The following NEURL1 variants were observed in gnomAD, a reference collection of about 807,000 sequenced individuals.
NEURL1 encodes neuralized E3 ubiquitin protein ligase 1.
NEURL1 carries 26 observed loss-of-function variants against 41.2 expected under a neutral mutation model. That is an observed-to-expected ratio of 0.63 (90% confidence interval 0.46 to 0.87). The LOEUF is 0.87. Ranked by LOEUF, NEURL1 falls within the 40% of genes least tolerant of loss-of-function variation. The pLI is 0.00. For missense variants in NEURL1, 761 were observed against 871.1 expected (o/e 0.87, Z 1.59); for synonymous variants, 400 against 402.3 (o/e 0.99, Z 0.07).
rs73341545 is a variant in NEURL1 at position 103,558,572 on chromosome 10, G to A, written c.86-12300G>A. Among the ~76,000 whole-genome samples, 4,308 of 151,204 alleles carry A rather than the reference G, an allele frequency of 0.028. 203 individuals carry two copies. The highest frequency in any genetic ancestry group is 0.098 in the African/African-American group (4,017 of 41,032). ...GTAGTGGGGCTGGTGGTGAGGAGTC[G>A]GGCTCCTCTGGGACCAGCCTGGCAG... On this transcript the variant is annotated intron_variant, in intron 1 of 5. Coordinates refer to ENST00000369780, the MANE Select transcript of NEURL1 (RefSeq NM_004210.5). The surrounding 1 kb of genome is among the most constrained non-coding windows in gnomAD (Gnocchi z 4.2).
intron 1 of NEURL1, among the ~76,000 whole-genome samples, chr10:103,535,684 C>T (rs377173838): frequency 2.6e-5 from 4 of 152,060 alleles, no homozygotes; most frequent in Admixed American, 1.3e-4. Flanking sequence ...GGCAGGGTAC[C>T]TAGGAAATCA....
In NEURL1 at chr10:103,591,640, G is replaced by A. The variant is rs997425045; in HGVS notation, c.*1268G>A. On this transcript the variant is annotated 3_prime_UTR_variant, in exon 6 of 6. Transcript: ENST00000369780. Reference sequence around the variant, plus strand: ...AAATTGGGAGGCCTTTTGGCAAACAGTGTCTATTTTACAGAGAGGCAAACC... The same window carrying A: ...AAATTGGGAGGCCTTTTGGCAAACAATGTCTATTTTACAGAGAGGCAAACC... 1.3e-5 allele frequency: 2 copies of A among 152,212 alleles called. No individual in the cohort carries two copies. The highest frequency in any genetic ancestry group is 6.5e-5 in the Admixed American group (1 of 15,282). 9.4% of individuals were successfully genotyped at this position (152,212 alleles called of 1,614,324 possible). A position where few individuals can be genotyped will look rare whatever the true frequency, so the allele number is the denominator to read the frequency against.
chr10:103,537,686 G>A (rs1377793670), intron 1 of NEURL1, among the ~76,000 whole-genome samples: 2 of 152,178 alleles, frequency 1.3e-5, no homozygotes, highest in African/African-American at 4.8e-5. Context: ...GAGCCACCGC[G>A]GCTGGCTTAC....
At chr10:103,497,745 C>T (rs989040868) in intron 1 of NEURL1, among the ~76,000 whole-genome samples, 2 of 152,140 alleles carry the variant, frequency 1.3e-5, no homozygotes, top group Admixed American at 6.5e-5. Flanking sequence ...AGGCAGTGCC[C>T]GAGGAGCTCC....
At chr10:103,563,216 G>C (rs148192458) in intron 1 of NEURL1, among the ~76,000 whole-genome samples, 1 of 152,302 alleles carries the variant, frequency 6.6e-6, no homozygotes, top group African/African-American at 2.4e-5. Context: ...AAGACCTTAT[G>C]TTGCGATCAA....
Position 103,556,053 on chromosome 10 carries a change from C to T in NEURL1, c.86-14819C>T, listed in dbSNP as rs897084944. ...GACAGCACCCCACAGCGCCTGACCT[C>T]GCTTCTCCAAGTGTGTGCTCTGTGG... On this transcript the variant is annotated intron_variant, in intron 1 of 5. Coordinates refer to ENST00000369780, the MANE Select transcript of NEURL1 (RefSeq NM_004210.5). The surrounding 1 kb of genome is among the most constrained non-coding windows in gnomAD (Gnocchi z 4.4). 1.3e-5 allele frequency among the ~76,000 whole-genome samples: 2 copies of T among 152,254 alleles called. No individual in the cohort carries two copies. The highest frequency in any genetic ancestry group is 2.4e-5 in the African/African-American group (1 of 41,472).
intron 1 of NEURL1, among the ~76,000 whole-genome samples, chr10:103,557,155 C>T (rs1273220747): frequency 3.3e-5 from 5 of 152,076 alleles, no homozygotes; most frequent in Admixed American, 2.0e-4. Context: ...AGGCCAGGCC[C>T]GATGGTTCAC....
chr10:103,533,971 C>G (rs2133860766), intron 1 of NEURL1, among the ~76,000 whole-genome samples: 2 of 152,150 alleles, frequency 1.3e-5, no homozygotes, highest in South Asian at 4.2e-4. Flanking sequence ...GCGCCTAGCT[C>G]AAATGACCTA....
intron 1 of NEURL1, among the ~76,000 whole-genome samples, chr10:103,509,035 C>T (rs1051850205): frequency 9.9e-5 from 15 of 152,116 alleles, no homozygotes; most frequent in African/African-American, 3.6e-4. Context: ...TCGAGACCAG[C>T]CCGGCCAACA....
At chr10:103,590,014 G>T in intron 5 of NEURL1, 120 bp from the exon 6 acceptor site, 1 of 1,057,640 alleles carries the variant, frequency 9.5e-7, no homozygotes, top group African/African-American at 1.6e-5. Flanking sequence ...GGGTTGTCAG[G>T]GTGAACAGGC....
chr10:103,543,920 TG>T (rs1269452735), intron 1 of NEURL1, among the ~76,000 whole-genome samples: 3 of 138,202 alleles, frequency 2.2e-5, no homozygotes, highest in East Asian at 2.1e-4. Context: ...GTACATGGGG[TG>T]GGGTAGGGGG....
intron 3 of NEURL1, among the ~76,000 whole-genome samples, chr10:103,579,100 C>A (rs1284908330): frequency 6.6e-6 from 1 of 152,230 alleles, no homozygotes; most frequent in Admixed American, 6.5e-5. Flanking sequence ...CAGGTCCTGC[C>A]TTGGTTACCC....
Position 103,494,459 on chromosome 10 carries a change from C to T in NEURL1, c.72C>T (p.Pro24=), listed in dbSNP as rs1315964721. Residue 24 remains proline, a synonymous_variant, in exon 1 of 6, where the codon CCC becomes CCT. Coordinates refer to ENST00000369780, the MANE Select transcript of NEURL1 (RefSeq NM_004210.5). The stretch of plus-strand genomic sequence containing the variant: ...CGAGCCGCGCGCCGCGGGGCCACCC[C>T]CAGAACCTCAAAGGTAGGCTCCCCG... ...GNPSRAPRGH[P]QNLKDSIGGP... 7 of 1,588,666 alleles carry T rather than the reference C, an allele frequency of 4.4e-6. No individual in the cohort carries two copies. Among genetic ancestry groups the T allele is most frequent in the Non-Finnish European group, 6.0e-6 (7 of 1,167,906 alleles).
chr10:103,520,511 T>C (rs2034322973), intron 1 of NEURL1, among the ~76,000 whole-genome samples: 1 of 152,200 alleles, frequency 6.6e-6, no homozygotes, highest in Non-Finnish European at 1.5e-5. Flanking sequence ...AATGGTGGAA[T>C]GTCATCAGTT....
At chr10:103,564,043 C>G (rs1274897828) in intron 1 of NEURL1, among the ~76,000 whole-genome samples, 4 of 152,178 alleles carry the variant, frequency 2.6e-5, no homozygotes, top group Admixed American at 2.6e-4. Flanking sequence ...TGAGCCCAGC[C>G]TAGGGCATCT....
chr10:103,542,172 G>A (rs1312487558), intron 1 of NEURL1, among the ~76,000 whole-genome samples: 1 of 152,234 alleles, frequency 6.6e-6, no homozygotes, highest in Admixed American at 6.5e-5. Context: ...CACGCTGGCT[G>A]TATGTGAGAA....
rs956719409 is a variant in NEURL1 at position 103,558,587 on chromosome 10, C to A, written c.86-12285C>A. On this transcript the variant is annotated intron_variant, in intron 1 of 5. Transcript: ENST00000369780. The surrounding 1 kb of genome is among the most constrained non-coding windows in gnomAD (Gnocchi z 4.2). ...GTGAGGAGTCGGGCTCCTCTGGGAC[C>A]AGCCTGGCAGGAGACCCATGGGGAA... Among the ~76,000 whole-genome samples the A allele has an allele frequency of 1.3e-4, 20 of 151,116 alleles. No homozygotes were observed. Among genetic ancestry groups the A allele is most frequent in the African/African-American group, 4.6e-4 (19 of 40,878 alleles).
intron 1 of NEURL1, among the ~76,000 whole-genome samples, chr10:103,564,973 A>G (rs1320030361): frequency 6.6e-6 from 1 of 152,198 alleles, no homozygotes; most frequent in Non-Finnish European, 1.5e-5. Flanking sequence ...CTCATAGTCC[A>G]TGAGAACAGC....
rs550358405 is a variant in NEURL1, at chr10:103,504,391, G to A, written c.85+9919G>A. On this transcript the variant is annotated intron_variant, in intron 1 of 5. Coordinates refer to ENST00000369780, the MANE Select transcript of NEURL1 (RefSeq NM_004210.5). ...GACAGTTTTGAGGATTACTGGTTAC[G>A]TATTTGTAGACTGTCTCTCTATTGG... 3.0e-4 allele frequency among the ~76,000 whole-genome samples: 45 copies of A among 152,250 alleles called. No individual in the cohort carries two copies. The South Asian group carries it at 3.1e-3, about 11-fold the overall frequency.
Sources: allele counts gnomAD v4.1 joint callset (sites outside exome capture counted in the v4.1 genomes callset), GRCh38; gene constraint gnomAD v4.1.1; non-coding constraint Gnocchi (gnomAD v3.1); transcripts MANE v1.5; gene names NCBI Gene and HGNC (gene_info 2026-07-23, HGNC 2026-07-21).